FLT1: variants seen among roughly 807,000 people sequenced by gnomAD.
The protein encoded by FLT1 is fms related receptor tyrosine kinase 1.
A neutral mutation model predicts 156.3 loss-of-function variants in FLT1; 49 were observed. The ratio of observed to expected loss-of-function variants is 0.31; its 90% CI spans 0.25 to 0.40. The LOEUF (loss-of-function observed/expected upper bound fraction) is 0.40. FLT1 is among the 10% of genes least tolerant of loss of function. The probability of loss-of-function intolerance (pLI) is 1.00; values close to 1 mark genes in which losing one functional copy is unlikely to be tolerated. For synonymous variants in FLT1, 594 were observed against 583.8 expected (o/e 1.02, Z -0.25); for missense variants, 1,322 against 1,637.2 (o/e 0.81, Z 3.32).
chr13:28,368,540 T>TATGATG (rs138306957), intron 14 of FLT1: 19 of 1,535,738 alleles, frequency 1.2e-5, no homozygotes, highest in Admixed American at 5.9e-5. Flanking sequence ...AAATGGTAGC[T>TATGATG]ATGATGATGA....
intron 15 of FLT1, among the ~76,000 whole-genome samples, chr13:28,351,199 G>C (rs993605331): frequency 1.3e-5 from 2 of 152,090 alleles, no homozygotes; most frequent in African/African-American, 4.8e-5. Flanking sequence ...AAATTTGCCT[G>C]ATCCTAAGGT....
At chr13:28,416,695 G>A (rs1876667001) in intron 10 of FLT1, among the ~76,000 whole-genome samples, 1 of 152,046 alleles carries the variant, frequency 6.6e-6, no homozygotes, top group African/African-American at 2.4e-5. Flanking sequence ...ATAAAAATAG[G>A]AACCCCAGGC....
rs1473269874 is a variant in FLT1, at chr13:28,311,534, C to CT, written c.3635+55_3635+56insA. On this transcript the variant is annotated intron_variant, in intron 27 of 29. Coordinates refer to ENST00000282397, the MANE Select transcript of FLT1 (RefSeq NM_002019.4). ...CTTTCTTTCTCTTTCGTCTTTCTTT[C>CT]CTTCTTTTTTTTGTTGGAAAATTCT... is the stretch of plus-strand genomic sequence containing the variant. 10 of 1,386,872 alleles carry CT rather than the reference C, an allele frequency of 7.2e-6. 1 individual carries two copies. Among genetic ancestry groups the CT allele is most frequent in the East Asian group, 2.3e-5 (1 of 43,236 alleles). 85.9% of individuals were successfully genotyped at this position (1,386,872 alleles called of 1,614,324 possible). A position where few individuals can be genotyped will look rare whatever the true frequency, so the allele number is the denominator to read the frequency against.
At chr13:28,421,390 A>T (rs1056853401) in intron 10 of FLT1, among the ~76,000 whole-genome samples, 10 of 152,222 alleles carry the variant, frequency 6.6e-5, no homozygotes, top group Non-Finnish European at 1.0e-4. Flanking sequence ...CAGAAGAGCA[A>T]ATAAAGCAGG....
At chr13:28,476,876 G>T (rs189941710) in intron 1 of FLT1, among the ~76,000 whole-genome samples, 118 of 152,184 alleles carry the variant, frequency 7.8e-4, no homozygotes, top group Non-Finnish European at 1.6e-3. Flanking sequence ...TATTTTAATT[G>T]TCTGTCAATG....
chr13:28,307,948 G>A (rs960380679), intron 28 of FLT1, among the ~76,000 whole-genome samples: 2 of 152,046 alleles, frequency 1.3e-5, no homozygotes, highest in Non-Finnish European at 2.9e-5. Flanking sequence ...ATTTTTTTGT[G>A]TTTTTAGTAG....
rs1031178823 is a variant in FLT1, at chr13:28,368,378, C to T, written c.2117-10693G>A. On this transcript the variant is annotated intron_variant, in intron 14 of 29. Transcript: ENST00000282397. ...TCTTGGTCAGGCTGGTCTTGAACTC[C>T]TGACCTCAAATGATCCACCTGCCTT... is the stretch of plus-strand genomic sequence containing the variant. 2.7e-6 allele frequency: 3 copies of T among 1,112,608 alleles called. No individual in the cohort carries two copies. The African/African-American group carries it at 4.7e-5, about 18-fold the overall frequency. The allele number at this position is 1,112,608 out of a possible 1,614,324, so 68.9% of individuals were successfully genotyped here. A position where few individuals can be genotyped will look rare whatever the true frequency, so the allele number is the denominator to read the frequency against.
intron 3 of FLT1, among the ~76,000 whole-genome samples, chr13:28,465,809 A>G (rs777367422): frequency 3.9e-5 from 6 of 151,944 alleles, no homozygotes; most frequent in Non-Finnish European, 7.4e-5. Flanking sequence ...GCACTCCAGC[A>G]TGGGTGAGAG....
chr13:28,448,502 T>C (rs907103583), intron 3 of FLT1, among the ~76,000 whole-genome samples: 1 of 152,166 alleles, frequency 6.6e-6, no homozygotes, highest in Non-Finnish European at 1.5e-5. Flanking sequence ...TGAAAGAAAT[T>C]AGTCACAAAA....
Position 28,399,117 on chromosome 13 carries a change from A to C in FLT1, c.1552-2049T>G, listed in dbSNP as rs1227617068. The C allele has an allele frequency of 1.9e-6, 3 of 1,549,346 alleles. No homozygotes were observed. In the East Asian group the frequency reaches 7.3e-5, roughly 38 times the overall value. The stretch of plus-strand genomic sequence containing the variant: ...CATGAAAGAACTGTTAGCTGGTGGA[A>C]GCTGGAAGACAGGAGAGATCGTCAA... On this transcript the variant is annotated intron_variant, in intron 11 of 29. Coordinates refer to ENST00000282397, the MANE Select transcript of FLT1 (RefSeq NM_002019.4).
At chr13:28,341,885 A>AT (rs1257203540) in intron 16 of FLT1, among the ~76,000 whole-genome samples, 1 of 151,800 alleles carries the variant, frequency 6.6e-6, no homozygotes, top group Non-Finnish European at 1.5e-5. Context: ...TATTTTTGTT[A>AT]TTTTTTATAT....
In FLT1 at chr13:28,367,605, T is replaced by C. The variant is rs368053122; in HGVS notation, c.2117-9920A>G. On this transcript the variant is annotated intron_variant, in intron 14 of 29. Coordinates refer to ENST00000282397, the MANE Select transcript of FLT1 (RefSeq NM_002019.4). ...ATTGCCCAGGGAAGAGCATGGAATA[T>C]AATTTTAATCCAATTCACCATTGAG... Among the ~76,000 whole-genome samples, 10 of 152,322 alleles carry C rather than the reference T, an allele frequency of 6.6e-5. No individual in the cohort carries two copies. In the South Asian group the frequency reaches 1.0e-3, roughly 16 times the overall value.
At chr13:28,459,917 C>T (rs1879470831) in intron 3 of FLT1, among the ~76,000 whole-genome samples, 1 of 152,246 alleles carries the variant, frequency 6.6e-6, no homozygotes, top group Admixed American at 6.5e-5. Context: ...GAAGGGCCCA[C>T]ATTCCTGGTG....
chr13:28,321,725 A>G lies in FLT1; in HGVS notation c.3052-140T>C. The G allele has an allele frequency of 3.7e-6, 3 of 820,706 alleles. No individual in the cohort carries two copies. The South Asian group carries it at 4.5e-5, about 12-fold the overall frequency. The allele number at this position is 820,706 out of a possible 1,614,324, so 50.8% of individuals were successfully genotyped here. On this transcript the variant is annotated intron_variant, in intron 22 of 29. Transcript: ENST00000282397. ...AGCACCTCTCGGTGCACACAGAGTT[A>G]CCATAAACATGAAGAGCCTCTCTAC...
At chr13:28,442,498 A>G (rs925472764) in intron 3 of FLT1, among the ~76,000 whole-genome samples, 22 of 152,306 alleles carry the variant, frequency 1.4e-4, no homozygotes, top group African/African-American at 4.8e-4. Flanking sequence ...TGGATCCCCA[A>G]AAAACTTAAA....
chr13:28,415,568 AC>A (rs1309941065), intron 10 of FLT1, among the ~76,000 whole-genome samples: 1 of 152,150 alleles, frequency 6.6e-6, no homozygotes, highest in Non-Finnish European at 1.5e-5. Context: ...GTAAAATCAC[AC>A]CCCTTGCAAG....
chr13:28,417,008 A>T (rs1454631633), intron 10 of FLT1, among the ~76,000 whole-genome samples: 2 of 152,202 alleles, frequency 1.3e-5, no homozygotes, highest in Non-Finnish European at 2.9e-5. Context: ...TTTCTGAGAT[A>T]CAGTGCGCAT....
chr13:28,404,857 T>G (rs1438010320), intron 11 of FLT1, among the ~76,000 whole-genome samples: 1 of 151,854 alleles, frequency 6.6e-6, no homozygotes, highest in Non-Finnish European at 1.5e-5. Context: ...CTGTCTCTAC[T>G]AAAAATACAA....
chr13:28,392,198 G>A (rs1429234187), intron 12 of FLT1, among the ~76,000 whole-genome samples: 2 of 152,208 alleles, frequency 1.3e-5, no homozygotes, highest in African/African-American at 2.4e-5. Context: ...GGAGCAGGGC[G>A]TAACAGTGGC....
Sources: gnomAD v4.1 joint callset for allele counts (sites outside exome capture counted in the v4.1 genomes callset) on GRCh38, gnomAD v4.1.1 for gene constraint, MANE v1.5 for transcripts, NCBI Gene and HGNC (gene_info 2026-07-23, HGNC 2026-07-21) for gene names.